CTBP2: variants seen among roughly 807,000 people sequenced by gnomAD.
CTBP2 encodes the protein C-terminal binding protein 2.
CTBP2 carries 30 observed loss-of-function variants against 80.3 expected under a neutral mutation model. The observed-to-expected ratio is 0.37, with a 90% CI of 0.28 to 0.51. The LOEUF (loss-of-function observed/expected upper bound fraction) is 0.51, where lower values mean the gene tolerates loss of function less well. Among genes scored for constraint, CTBP2 ranks in the 20% least tolerant of loss-of-function variants. CTBP2 has a pLI of 0.93. For synonymous variants in CTBP2, 594 were observed against 587.4 expected (o/e 1.01, Z -0.16); for missense variants, 1,212 against 1,375.3 (o/e 0.88, Z 1.88).
At chr10:125,159,981 G>C (rs898679882) in intron 1 of CTBP2, 1 of 146,328 alleles carries the variant, frequency 6.8e-6, no homozygotes, top group Non-Finnish European at 1.5e-5. Context: ...TTTCAACCCT[G>C]ATGGGAAGGA....
At chr10:125,106,410 G>A (rs919477026) in intron 2 of CTBP2, among the ~76,000 whole-genome samples, 5 of 152,184 alleles carry the variant, frequency 3.3e-5, no homozygotes, top group Admixed American at 6.5e-5. Context: ...CAAGGGACGC[G>A]GGGCGACCTG....
At chr10:125,104,441 G>A (rs1432345239) in intron 2 of CTBP2, among the ~76,000 whole-genome samples, 1 of 152,122 alleles carries the variant, frequency 6.6e-6, no homozygotes, top group Non-Finnish European at 1.5e-5. Flanking sequence ...CTTTTAAACA[G>A]TATACTGCTG....
At chr10:125,040,714 A>C (rs1346286837) in intron 2 of CTBP2, among the ~76,000 whole-genome samples, 1 of 152,118 alleles carries the variant, frequency 6.6e-6, no homozygotes, top group Non-Finnish European at 1.5e-5. Flanking sequence ...GAGGATAATG[A>C]TGTACGGTCA....
At chr10:125,108,644 G>A (rs191345295) in intron 2 of CTBP2, among the ~76,000 whole-genome samples, 206 of 144,272 alleles carry the variant, frequency 1.4e-3, no homozygotes, top group Non-Finnish European at 2.4e-3. Context: ...GCCTTCTGGG[G>A]CCATGTGAGA....
At chr10:125,071,421 T>A (rs1218094826) in intron 2 of CTBP2, among the ~76,000 whole-genome samples, 1 of 152,226 alleles carries the variant, frequency 6.6e-6, no homozygotes, top group Non-Finnish European at 1.5e-5. Flanking sequence ...AACAAATTGG[T>A]CATTGGTACA....
At chr10:125,080,960 A>AC (rs1847083584) in intron 2 of CTBP2, among the ~76,000 whole-genome samples, 1 of 152,080 alleles carries the variant, frequency 6.6e-6, no homozygotes, top group African/African-American at 2.4e-5. Flanking sequence ...GACTTAAAAA[A>AC]AAAAAAAAGG....
At chr10:125,155,242 CT>C (rs1272641133) in intron 1 of CTBP2, among the ~76,000 whole-genome samples, 11 of 152,238 alleles carry the variant, frequency 7.2e-5, no homozygotes, top group Non-Finnish European at 1.3e-4. Context: ...GAATGTGCCC[CT>C]GGTTCCCATC....
At chr10:125,029,461 T>G (rs1419437345), upstream of CTBP2, among the ~76,000 whole-genome samples, 1 of 152,088 alleles carries the variant, frequency 6.6e-6, no homozygotes, top group Admixed American at 6.5e-5. Flanking sequence ...TACTTCACCA[T>G]GTTGGCCAGA....
chr10:125,012,161 G>A (rs1196725469), intron 1 of CTBP2, among the ~76,000 whole-genome samples: 1 of 152,228 alleles, frequency 6.6e-6, no homozygotes, highest in African/African-American at 2.4e-5. Context: ...CTGGTGAGAC[G>A]CGCTACGTGT....
intron 4 of CTBP2, among the ~76,000 whole-genome samples, 154 bp from the exon 7 acceptor site, chr10:124,994,837 C>T (rs1019832941): frequency 2.6e-5 from 4 of 152,232 alleles, no homozygotes; most frequent in African/African-American, 7.2e-5. Context: ...AGGCCTGAGG[C>T]GAGCACTGCC....
Position 125,003,083 on chromosome 10 carries a change from C to T in CTBP2, c.1855G>A (p.Ala619Thr). 2 of 1,614,020 alleles carry T rather than the reference C, an allele frequency of 1.2e-6. No individual in the cohort carries two copies. The highest frequency in any genetic ancestry group is 1.7e-6 in the Non-Finnish European group (2 of 1,180,030). ...AGGGTGATGGTGTGGTACATCATGG[C>T]GCCCACGGCTTCGTTTAGAACCTGC... Residue 619 changes from alanine to threonine, a missense_variant, in exon 3 of 9, where the codon GCC (alanine) becomes ACC (threonine). By Grantham distance (58) the Ala-to-Thr change is moderately conservative (BLOSUM62 0). This residue lies in a region of CTBP2 where 335 missense variants were observed against 504.7 expected (regional missense o/e 0.66). Coordinates refer to ENST00000309035, the MANE Select transcript of CTBP2 (RefSeq NM_022802.3).
chr10:125,063,720 A>G (rs1844191019), intron 2 of CTBP2, among the ~76,000 whole-genome samples: 1 of 152,254 alleles, frequency 6.6e-6, no homozygotes, highest in African/African-American at 2.4e-5. Context: ...TCTCAGTGAC[A>G]GCTTTACGGG....
intron 8 of CTBP2, among the ~76,000 whole-genome samples, chr10:124,991,116 C>T (rs112584426): frequency 3.3e-5 from 5 of 152,228 alleles, no homozygotes; most frequent in African/African-American, 4.8e-5. Context: ...ATTGCAAGCA[C>T]GAAGTGCTGT....
intron 1 of CTBP2, among the ~76,000 whole-genome samples, chr10:125,011,329 C>G (rs1456485631): frequency 6.6e-6 from 1 of 152,228 alleles, no homozygotes; most frequent in African/African-American, 2.4e-5. Flanking sequence ...GAATGAGTCA[C>G]GATGTGACAC....
chr10:125,148,711 G>A (rs1476097578), intron 1 of CTBP2, among the ~76,000 whole-genome samples: 5 of 152,106 alleles, frequency 3.3e-5, no homozygotes, highest in Non-Finnish European at 7.3e-5. Context: ...CCACTATTTG[G>A]AGCCATGTGG....
chr10:125,035,334 G>A (rs1425965634), intron 3 of CTBP2, among the ~76,000 whole-genome samples: 2 of 152,146 alleles, frequency 1.3e-5, no homozygotes, highest in South Asian at 4.1e-4. Flanking sequence ...TCATGAGCTT[G>A]TTTATTTAAG....
intron 1 of CTBP2, among the ~76,000 whole-genome samples, chr10:125,132,279 A>C (rs1249352357): frequency 2.0e-5 from 3 of 152,184 alleles, no homozygotes; most frequent in African/African-American, 7.2e-5. Context: ...GCATCATTTT[A>C]TAAACCACTA....
rs548708788 is a variant in CTBP2 at position 125,014,121 on chromosome 10, C to T, written c.1679-10629G>A. ...ACGGCGGAGAACAGAAGGGCACATC[C>T]AAGCAAGACCGAGACGCCACAGGAT... is the stretch of plus-strand genomic sequence containing the variant. On this transcript the variant is annotated intron_variant, in intron 1 of 8. Coordinates refer to ENST00000309035, the MANE Select transcript of CTBP2 (RefSeq NM_022802.3). Among the ~76,000 whole-genome samples, 9 of 152,286 alleles carry T rather than the reference C, an allele frequency of 5.9e-5. No homozygotes were observed. In the South Asian group the frequency reaches 1.4e-3, roughly 25 times the overall value.
intron 3 of CTBP2, among the ~76,000 whole-genome samples, chr10:125,002,324 G>GC (rs1397952575): frequency 2.0e-5 from 3 of 152,166 alleles, no homozygotes; most frequent in Non-Finnish European, 4.4e-5. Context: ...CTGGGCAGAG[G>GC]CCCCCCTCAA....
Sources: allele counts gnomAD v4.1 joint callset (sites outside exome capture counted in the v4.1 genomes callset), GRCh38; gene constraint gnomAD v4.1.1; regional missense constraint gnomAD v4.1.1; transcripts MANE v1.5; gene names NCBI Gene and HGNC (gene_info 2026-07-23, HGNC 2026-07-21).